Variants in ATP8A2 observed in about 807,000 individuals in gnomAD.
ATP8A2 encodes ATPase phospholipid transporting 8A2.
A neutral mutation model predicts 165.6 loss-of-function variants in ATP8A2; 100 were observed. The ratio of observed to expected loss-of-function variants is 0.60; its 90% CI spans 0.51 to 0.71. The LOEUF (loss-of-function observed/expected upper bound fraction) is 0.71, where lower values mean the gene tolerates loss of function less well. Among genes scored for constraint, ATP8A2 ranks in the 30% least tolerant of loss-of-function variants. The pLI, the probability that ATP8A2 is intolerant of heterozygous loss-of-function variation, is 0.00. For missense variants in ATP8A2, 1,227 were observed against 1,479.5 expected, an observed-to-expected ratio of 0.83 and a Z score of 2.80; for synonymous variants, 543 against 548.8, an observed-to-expected ratio of 0.99 and a Z score of 0.15.
At chr13:25,465,429 G>A (rs982945843) in intron 1 of ATP8A2, among the ~76,000 whole-genome samples, 23 of 152,056 alleles carry the variant, frequency 1.5e-4, no homozygotes, top group African/African-American at 4.8e-4. Flanking sequence ...TAGATAAGTG[G>A]GAGATATTAT....
chr13:25,994,323 G>A (rs1956452213), intron 35 of ATP8A2, among the ~76,000 whole-genome samples: 1 of 151,912 alleles, frequency 6.6e-6, no homozygotes, highest in Non-Finnish European at 1.5e-5. Context: ...TCTGCAAATA[G>A]CTACAATTTT....
chr13:25,737,619 C>T (rs2043801540), intron 25 of ATP8A2, among the ~76,000 whole-genome samples: 1 of 152,240 alleles, frequency 6.6e-6, no homozygotes, highest in African/African-American at 2.4e-5. Flanking sequence ...CTACCTCAGC[C>T]TTCGGAGTAG....
chr13:25,552,577 G>C (rs1435500731), intron 11 of ATP8A2, among the ~76,000 whole-genome samples: 2 of 152,046 alleles, frequency 1.3e-5, no homozygotes, highest in African/African-American at 4.8e-5. Flanking sequence ...TTTAATTACT[G>C]TCTGGTATTT....
In ATP8A2 at chr13:26,025,531, T is replaced by G. The variant is rs1566365847; in HGVS notation, c.*5546T>G. 1 of 152,336 alleles carries G rather than the reference T, an allele frequency of 6.6e-6. No homozygotes were observed. Among genetic ancestry groups the G allele is most frequent in the Non-Finnish European group, 1.5e-5 (1 of 68,074 alleles). The allele number at this position is 152,336 out of a possible 1,614,324, so 9.4% of individuals were successfully genotyped here. ...TGATGGGGAGGTTTTAATCTGGTGATGCAGAGGGAAGCAGGGCTGTGGGGG... is the reference window on the plus strand; with the variant it reads ...TGATGGGGAGGTTTTAATCTGGTGAGGCAGAGGGAAGCAGGGCTGTGGGGG... On this transcript the variant is annotated 3_prime_UTR_variant, in exon 37 of 37. Coordinates refer to ENST00000381655, the MANE Select transcript of ATP8A2 (RefSeq NM_016529.6).
intron 2 of ATP8A2, among the ~76,000 whole-genome samples, chr13:25,488,214 A>T (rs986979147): frequency 6.6e-6 from 1 of 152,140 alleles, no homozygotes; most frequent in Non-Finnish European, 1.5e-5. Context: ...TATTATATTT[A>T]AGTATACGAT....
intron 24 of ATP8A2, among the ~76,000 whole-genome samples, chr13:25,663,560 A>T (rs1033285717): frequency 2.6e-5 from 4 of 151,484 alleles, no homozygotes; most frequent in Admixed American, 6.6e-5. Flanking sequence ...TTATCCCATG[A>T]TTGTAGAGTT....
At chr13:25,566,960 G>C (rs560297872) in intron 16 of ATP8A2, among the ~76,000 whole-genome samples, 1 of 152,288 alleles carries the variant, frequency 6.6e-6, no homozygotes, top group Admixed American at 6.5e-5. Context: ...CATTCTCTTT[G>C]GTGACTGTCA....
At chr13:25,718,842 T>C (rs2043310914) in intron 25 of ATP8A2, among the ~76,000 whole-genome samples, 1 of 152,224 alleles carries the variant, frequency 6.6e-6, no homozygotes, top group Non-Finnish European at 1.5e-5. Context: ...GCGTTTCTTC[T>C]GTTGTAATTG....
chr13:25,555,188 T>C lies in ATP8A2; in HGVS notation c.1263+120T>C, dbSNP rs1362564205. 8.7e-6 allele frequency: 6 copies of C among 692,778 alleles called. No individual in the cohort carries two copies. The Admixed American group carries it at 1.4e-4, about 16-fold the overall frequency. 42.9% of individuals were successfully genotyped at this position (692,778 alleles called of 1,614,324 possible). On this transcript the variant is annotated intron_variant, in intron 13 of 36. Coordinates refer to ENST00000381655, the MANE Select transcript of ATP8A2 (RefSeq NM_016529.6). ...CTTCTCCATGAACATGGCTAGAACA[T>C]CTGAAGAGCTATATAATACTTTTGA...
intron 1 of ATP8A2, among the ~76,000 whole-genome samples, chr13:25,415,558 G>A (rs567184874): frequency 5.3e-5 from 8 of 152,250 alleles, no homozygotes; most frequent in East Asian, 1.9e-4. Flanking sequence ...TTATGTAGAC[G>A]GAAACCAGAG....
chr13:25,389,332 T>C (rs1473794060), intron 1 of ATP8A2, among the ~76,000 whole-genome samples: 2 of 152,260 alleles, frequency 1.3e-5, no homozygotes, highest in Non-Finnish European at 1.5e-5. Context: ...ACTCTGGGCT[T>C]AATGAGGCCA....
chr13:25,533,345 T>C (rs369124359), intron 6 of ATP8A2, 32 bp downstream of exon 6: 31 of 1,300,526 alleles, frequency 2.4e-5, no homozygotes, highest in Non-Finnish European at 3.4e-5. Context: ...GTACCAGTAC[T>C]ATTGGTTTGA....
At chr13:25,679,491 G>A (rs141092828) in intron 24 of ATP8A2, among the ~76,000 whole-genome samples, 24 of 152,278 alleles carry the variant, frequency 1.6e-4, no homozygotes, top group Non-Finnish European at 3.1e-4. Context: ...CAAGGTAAGC[G>A]TAGTTTTCTT....
At chr13:25,497,358 A>G (rs2036709858) in intron 2 of ATP8A2, among the ~76,000 whole-genome samples, 1 of 152,238 alleles carries the variant, frequency 6.6e-6, no homozygotes, top group Admixed American at 6.5e-5. Flanking sequence ...GGTTAGTTTT[A>G]GGACTGATTG....
chr13:25,746,254 C>T (rs1039425740), intron 25 of ATP8A2, among the ~76,000 whole-genome samples: 3 of 152,140 alleles, frequency 2.0e-5, no homozygotes, highest in Admixed American at 6.5e-5. Flanking sequence ...CCAAAACTGT[C>T]GTGAAAAGAA....
At chr13:25,988,871 A>G (rs376388870) in intron 35 of ATP8A2, among the ~76,000 whole-genome samples, 5 of 152,340 alleles carry the variant, frequency 3.3e-5, no homozygotes, top group East Asian at 1.9e-4. Flanking sequence ...TCTATTTGCA[A>G]TTCTTATGGA....
intron 1 of ATP8A2, among the ~76,000 whole-genome samples, chr13:25,413,321 G>A (rs373684581): frequency 5.1e-5 from 6 of 118,312 alleles, no homozygotes; most frequent in Middle Eastern, 7.1e-3. Context: ...CCCTCCTGTC[G>A]CCTTGGCTGG....
intron 25 of ATP8A2, among the ~76,000 whole-genome samples, chr13:25,753,962 G>T (rs1331058871): frequency 1.3e-5 from 2 of 152,226 alleles, no homozygotes; most frequent in Non-Finnish European, 2.9e-5. Context: ...GACTTTCAAA[G>T]AAATTGCACC....
intron 25 of ATP8A2, 78 bp from the exon 26 acceptor site, chr13:25,768,968 A>T: frequency 1.5e-6 from 2 of 1,346,614 alleles, no homozygotes; most frequent in Non-Finnish European, 1.1e-6. Context: ...CTGTCCTTTT[A>T]ATGCAGCGGA....
Sources: gnomAD v4.1 joint callset for allele counts (sites outside exome capture counted in the v4.1 genomes callset) on GRCh38, gnomAD v4.1.1 for gene constraint, MANE v1.5 for transcripts, NCBI Gene and HGNC (gene_info 2026-07-23, HGNC 2026-07-21) for gene names.